SHPRH: variants seen among roughly 807,000 people sequenced by gnomAD.
The protein encoded by SHPRH is SNF2 histone linker PHD RING helicase.
Under a neutral mutation model 202.5 loss-of-function variants are expected in SHPRH, and 106 were observed. That is an observed-to-expected ratio of 0.52 (90% CI 0.45 to 0.62). The LOEUF is 0.62. Ranked by LOEUF, SHPRH falls within the 20% of genes least tolerant of loss-of-function variation. The pLI is 0.00. For synonymous variants in SHPRH, 729 were observed against 686.0 expected (o/e 1.06, Z -0.98); for missense variants, 1,710 against 2,020.0 (o/e 0.85, Z 2.94).
At position 145,932,964 on chromosome 6, in the gene SHPRH, T is replaced by TCC. The variant is rs55757353; in HGVS notation, c.3112+91_3112+92dup. 1,113 of 1,148,914 alleles carry TCC rather than the reference T, an allele frequency of 9.7e-4. 1 individual carries two copies. The highest frequency in any genetic ancestry group is 8.2e-3 in the East Asian group (289 of 35,170). 71.2% of individuals were successfully genotyped at this position (1,148,914 alleles called of 1,614,324 possible). A position where few individuals can be genotyped will look rare whatever the true frequency, so the allele number is the denominator to read the frequency against. On this transcript the variant is annotated intron_variant, in intron 14 of 29. Coordinates refer to ENST00000275233, the MANE Select transcript of SHPRH (RefSeq NM_001042683.3). ...TGAGAGTATCTTTTTGGGGGAAAAA[T>TCC]CCCCCCCCCAAAAATCAAAATCTAT...
At chr6:145,916,567 A>G (rs2128744287) in intron 23 of SHPRH, among the ~76,000 whole-genome samples, 1 of 152,266 alleles carries the variant, frequency 6.6e-6, no homozygotes, top group East Asian at 1.9e-4. Context: ...TTGATTTTCC[A>G]TCATTATAGA....
At chr6:145,945,143 C>CT (rs1470671503) in intron 8 of SHPRH, among the ~76,000 whole-genome samples, 3 of 152,132 alleles carry the variant, frequency 2.0e-5, no homozygotes, top group Non-Finnish European at 4.4e-5. Flanking sequence ...CAATAAATAT[C>CT]TGAGTATTTG....
chr6:145,919,229 G>A, intron 22 of SHPRH, 119 bp downstream of exon 22: 2 of 1,345,914 alleles, frequency 1.5e-6, no homozygotes. Context: ...AATTAAAAAT[G>A]GAGATTAAAT....
At chr6:145,871,455 A>G (rs1780052254) in intron 2 of SHPRH, 1 of 152,176 alleles carries the variant, frequency 6.6e-6, no homozygotes, top group Non-Finnish European at 1.5e-5. Context: ...AATTGCTACA[A>G]AAAGAACAAA....
At chr6:145,889,996 A>T (rs1781442592) in intron 28 of SHPRH, among the ~76,000 whole-genome samples, 1 of 152,200 alleles carries the variant, frequency 6.6e-6, no homozygotes. Context: ...CTACTCAAGG[A>T]CATTGTCAAG....
Position 145,935,105 on chromosome 6 carries a change from C to T in SHPRH, c.2792G>A (p.Arg931Lys). 1 of 1,613,560 alleles carries T rather than the reference C, an allele frequency of 6.2e-7. No homozygotes were observed. Among genetic ancestry groups the T allele is most frequent in the Non-Finnish European group, 8.5e-7 (1 of 1,179,946 alleles). ...IHWLHFSPVE[R>K]HFYHRQHEVC... ...CTCATGCTGACGGTGATAGAAATGC[C>T]TTTCCACTGGAGAAAAGTGGAGCCA... Residue 931 changes from arginine (R) to lysine (K), a missense_variant, in exon 13 of 30, where the codon AGG (arginine) becomes AAG (lysine). By Grantham distance (26) the Arg-to-Lys change is conservative (BLOSUM62 2). This residue lies in a region of SHPRH where 277 missense variants were observed against 363.0 expected (regional missense o/e 0.76). Coordinates refer to ENST00000275233, the MANE Select transcript of SHPRH (RefSeq NM_001042683.3).
intron 2 of SHPRH, among the ~76,000 whole-genome samples, chr6:145,872,884 G>A (rs764548533): frequency 2.0e-5 from 3 of 152,160 alleles, no homozygotes; most frequent in Non-Finnish European, 4.4e-5. Flanking sequence ...TGCTTCGCAG[G>A]GACATGGATG....
chr6:145,873,705 AAGGAAGGAAGGG>A (rs1214678041), intron 2 of SHPRH, among the ~76,000 whole-genome samples: 1 of 131,284 alleles, frequency 7.6e-6, no homozygotes, highest in Non-Finnish European at 1.6e-5. Context: ...GGAAGGAAGG[AAGGAAGGAAGGG>A]AGGGAGGGAG....
rs1215425343 is a variant in SHPRH at position 145,913,460 on chromosome 6, T to C, written c.4326+18A>G. 3.1e-6 allele frequency: 5 copies of C among 1,594,138 alleles called. No individual in the cohort carries two copies. The highest frequency in any genetic ancestry group is 4.3e-6 in the Non-Finnish European group (5 of 1,166,734). On this transcript the variant is annotated intron_variant, in intron 24 of 29. Transcript: ENST00000275233. Reference sequence around the variant, plus strand: ...TAAGGTATTTTATAAATGCATGTGATGTTTATCATAATTTTACCTGTTTTC... The same window carrying C: ...TAAGGTATTTTATAAATGCATGTGACGTTTATCATAATTTTACCTGTTTTC...
At chr6:145,902,505 T>G (rs990291606) in intron 25 of SHPRH, among the ~76,000 whole-genome samples, 22 of 152,064 alleles carry the variant, frequency 1.4e-4, no homozygotes, top group Admixed American at 1.0e-3. Context: ...CTGAAAAAAA[T>G]TCTTCTAATA....
chr6:145,936,924 A>C (rs1368960842), intron 11 of SHPRH, among the ~76,000 whole-genome samples: 2 of 151,658 alleles, frequency 1.3e-5, no homozygotes, highest in Non-Finnish European at 2.9e-5. Flanking sequence ...AAGCCGTCTC[A>C]AACTCAACTT....
chr6:145,959,234 TC>T (rs1315142958), intron 1 of SHPRH, among the ~76,000 whole-genome samples: 2 of 152,188 alleles, frequency 1.3e-5, no homozygotes, highest in Middle Eastern at 3.2e-3. Context: ...TCACATTCAC[TC>T]CCTGACTAAC....
At position 145,893,777 on chromosome 6, in the gene SHPRH, G is replaced by A. The variant is rs1781770715; in HGVS notation, c.4695+373C>T. 6.6e-5 allele frequency among the ~76,000 whole-genome samples: 10 copies of A among 152,194 alleles called. No homozygotes were observed. In the South Asian group the frequency reaches 2.1e-3, roughly 32 times the overall value. ...TGTGTGTGCCTGAGGTCATACGCCT[G>A]TCACTGTGCTGAGCATGATGTAAGG... On this transcript the variant is annotated intron_variant, in intron 27 of 29. Transcript: ENST00000275233.
chr6:145,961,083 A>T (rs1001341428), intron 1 of SHPRH, among the ~76,000 whole-genome samples: 1 of 152,136 alleles, frequency 6.6e-6, no homozygotes, highest in African/African-American at 2.4e-5. Flanking sequence ...CACCTCCTGC[A>T]ATGCAGCCCG....
intron 25 of SHPRH, chr6:145,907,061 A>T (rs1783027882): frequency 6.6e-6 from 1 of 152,020 alleles, no homozygotes; most frequent in Non-Finnish European, 1.5e-5. Context: ...GTGACTCCGA[A>T]TTTTGTATCT....
chr6:145,864,521 A>G, intron 2 of SHPRH: 1 of 243,656 alleles, frequency 4.1e-6, no homozygotes, highest in Non-Finnish European at 9.0e-6. Flanking sequence ...AAAATTAAAA[A>G]ATAAAAAATA....
intron 1 of SHPRH, among the ~76,000 whole-genome samples, chr6:145,958,378 T>C (rs1788724203): frequency 6.6e-6 from 1 of 152,200 alleles, no homozygotes; most frequent in South Asian, 2.1e-4. Flanking sequence ...AGTATAACTT[T>C]ATTCAATAAA....
intron 2 of SHPRH, among the ~76,000 whole-genome samples, chr6:145,870,154 G>A (rs1313798039): frequency 1.3e-5 from 2 of 151,246 alleles, no homozygotes; most frequent in Non-Finnish European, 2.9e-5. Context: ...CTTGTTCATT[G>A]CTGGTATATA....
intron 11 of SHPRH, 129 bp downstream of exon 11, chr6:145,940,594 A>T: frequency 3.7e-6 from 3 of 816,012 alleles, no homozygotes; most frequent in Non-Finnish European, 5.7e-6. Context: ...AACTATTAGG[A>T]GTCAACTATA....
Sources: allele counts gnomAD v4.1 joint callset (sites outside exome capture counted in the v4.1 genomes callset), GRCh38; gene constraint gnomAD v4.1.1; regional missense constraint gnomAD v4.1.1; transcripts MANE v1.5; gene names NCBI Gene and HGNC (gene_info 2026-07-23, HGNC 2026-07-21).